Variants in IPO13 observed in about 807,000 individuals in gnomAD.
The protein encoded by IPO13 is importin 13.
In IPO13, 28 loss-of-function variants were observed where a neutral mutation model predicts 115.5. That is an observed-to-expected ratio of 0.24 (90% confidence interval 0.18 to 0.33). The LOEUF is 0.33. Among genes scored for constraint, IPO13 ranks in the 10% least tolerant of loss-of-function variants. IPO13 has a pLI of 1.00. For missense variants in IPO13, 785 were observed against 1,204.6 expected (o/e 0.65, Z 5.16); for synonymous variants, 414 against 478.9 (o/e 0.86, Z 1.77).
chr1:43,957,502 T>A lies in IPO13; in HGVS notation c.1493T>A (p.Ile498Asn). 1 of 1,614,178 alleles carries A rather than the reference T, an allele frequency of 6.2e-7. No homozygotes were observed. The highest frequency in any genetic ancestry group is 8.5e-7 in the Non-Finnish European group (1 of 1,180,024). ...GGGCTCATTGGCCTCATCCCACGGA[T>A]CAGCATCAGCAACGTGCAGCTGGCA... ...VPGLIGLIPRISISNVQLADT... is the reference protein window; with the variant it reads ...VPGLIGLIPRNSISNVQLADT... Residue 498 changes from isoleucine (I) to asparagine (N), a missense_variant, in exon 7 of 20, where the codon ATC (isoleucine) becomes AAC (asparagine). Around this residue, in one of 3 missense-constraint regions of IPO13, gnomAD observed 175 missense variants for 360.0 expected, o/e 0.49. Transcript: ENST00000372343.
At position 43,967,818 on chromosome 1, in the gene IPO13, T is replaced by G. The variant is rs2085337425; in HGVS notation, c.*136T>G. 4.9e-6 allele frequency: 4 copies of G among 814,468 alleles called. No homozygotes were observed. Among genetic ancestry groups the G allele is most frequent in the Non-Finnish European group, 8.1e-6 (4 of 496,488 alleles). 50.5% of individuals were successfully genotyped at this position (814,468 alleles called of 1,614,324 possible). A position where few individuals can be genotyped will look rare whatever the true frequency, so the allele number is the denominator to read the frequency against. ...ACTGAAAGCCTGGGTCCAGAAGGCC[T>G]GGGGGAAGGATGGGAGGATGCTTGG... On this transcript the variant is annotated 3_prime_UTR_variant, in exon 20 of 20. Coordinates refer to ENST00000372343, the MANE Select transcript of IPO13 (RefSeq NM_014652.4). The surrounding 1 kb of genome is among the most constrained non-coding windows in gnomAD (Gnocchi z 6.1).
In IPO13 at chr1:43,958,105, G is replaced by C. The variant is rs759996742; in HGVS notation, c.1669G>C (p.Glu557Gln). ...SVSTLKKICR[E>Q]CKYDLPPYAA... Reference sequence around the variant, plus strand: ...GTCCACCCTCAAGAAGATCTGCCGAGAGTGCAAGTATGACCTGCCTCCCTA... The same window carrying C: ...GTCCACCCTCAAGAAGATCTGCCGACAGTGCAAGTATGACCTGCCTCCCTA... Residue 557 changes from glutamate (E) to glutamine (Q), a missense_variant, in exon 8 of 20, where the codon GAG (glutamate) becomes CAG (glutamine). By Grantham distance (29) the Glu-to-Gln change is conservative. This residue lies in a region of IPO13 where 175 missense variants were observed against 360.0 expected (regional missense o/e 0.49). Coordinates refer to ENST00000372343, the MANE Select transcript of IPO13 (RefSeq NM_014652.4). The surrounding 1 kb of genome is among the most constrained non-coding windows in gnomAD (Gnocchi z 6.3). The C allele has an allele frequency of 6.2e-7, 1 of 1,614,206 alleles. No homozygotes were observed. The highest frequency in any genetic ancestry group is 1.7e-5 in the Admixed American group (1 of 60,026).
intron 7 of IPO13, 49 bp downstream of exon 7, chr1:43,957,598 C>T: frequency 6.2e-7 from 1 of 1,601,390 alleles, no homozygotes; most frequent in Admixed American, 1.7e-5. Flanking sequence ...CCACAGCACC[C>T]AACCCTGGCC....
intron 14 of IPO13, among the ~76,000 whole-genome samples, chr1:43,962,862 G>A (rs993065702): frequency 6.6e-6 from 1 of 152,208 alleles, no homozygotes; most frequent in Non-Finnish European, 1.5e-5. Flanking sequence ...CCCCTCAAGG[G>A]TAGGGTTGAG....
Position 43,949,608 on chromosome 1 carries a change from C to T in IPO13, c.276C>T (p.Asp92=), listed in dbSNP as rs2085191318. Residue 92 remains aspartate (D), a synonymous_variant, in exon 2 of 20, where the codon GAC becomes GAT. Transcript: ENST00000372343. Reference sequence around the variant, plus strand: ...TCAAGATCTCTCGCTACTGGAGTGACATCCCCACTGACCAGTATGAAAGCC... The same window carrying T: ...TCAAGATCTCTCGCTACTGGAGTGATATCCCCACTGACCAGTATGAAAGCC... ...LHIKISRYWS[D]IPTDQYESLK... The T allele has an allele frequency of 6.2e-7, 1 of 1,614,222 alleles. No homozygotes were observed. The highest frequency in any genetic ancestry group is 8.5e-7 in the Non-Finnish European group (1 of 1,180,032).
chr1:43,960,044 C>G (rs895343271), intron 11 of IPO13, among the ~76,000 whole-genome samples: 1 of 152,156 alleles, frequency 6.6e-6, no homozygotes, highest in African/African-American at 2.4e-5. Flanking sequence ...GAGATGATCC[C>G]TAGAATTCAG....
Position 43,964,363 on chromosome 1 carries a change from T to C in IPO13, c.2397+42T>C, listed in dbSNP as rs746262275. ...TTCATTCACGTTCTGTTCTCTCTCT[T>C]TCTCTTTCTCTTATGTTGAAATTCA... On this transcript the variant is annotated intron_variant, in intron 15 of 19. Coordinates refer to ENST00000372343, the MANE Select transcript of IPO13 (RefSeq NM_014652.4). 1.1e-5 allele frequency: 15 copies of C among 1,422,898 alleles called. No individual in the cohort carries two copies. In the Admixed American group the frequency reaches 2.7e-4, roughly 25 times the overall value. 88.1% of individuals were successfully genotyped at this position (1,422,898 alleles called of 1,614,324 possible). A position where few individuals can be genotyped will look rare whatever the true frequency, so the allele number is the denominator to read the frequency against.
At position 43,966,606 on chromosome 1, in the gene IPO13, G is replaced by A. The variant is rs373331309; in HGVS notation, c.2429G>A (p.Cys810Tyr). Residue 810 changes from cysteine to tyrosine, a missense_variant, in exon 16 of 20, where the codon TGT becomes TAT. By Grantham distance (194) the Cys-to-Tyr change is radical (BLOSUM62 -2). Transcript: ENST00000372343. The surrounding 1 kb of genome is among the most constrained non-coding windows in gnomAD (Gnocchi z 4.1). ...AAGCGGAAGCCAGATTTGTTCCTGT[G>A]TGAACGATTGGATGTCAAAGCTGTG... ...ALKRKPDLFL[C>Y]ERLDVKAVFQ... 2 of 1,614,042 alleles carry A rather than the reference G, an allele frequency of 1.2e-6. No homozygotes were observed. The highest frequency in any genetic ancestry group is 1.3e-5 in the African/African-American group (1 of 74,908).
chr1:43,958,834 A>T lies in IPO13; in HGVS notation c.1973A>T (p.Asp658Val). 6.2e-7 allele frequency: 1 copy of T among 1,614,068 alleles called. No homozygotes were observed. The highest frequency in any genetic ancestry group is 1.1e-5 in the South Asian group (1 of 91,078). The change falls in exon 11 of 20, where the codon GAT becomes GTT. Residue 658 changes from aspartate to valine, a missense_variant. By Grantham distance (152) the Asp-to-Val change is radical (BLOSUM62 -3). Around this residue, in one of 3 missense-constraint regions of IPO13, gnomAD observed 285 missense variants for 394.8 expected, o/e 0.72. Transcript: ENST00000372343. The surrounding 1 kb of genome is among the most constrained non-coding windows in gnomAD (Gnocchi z 6.3). ...ACACTGGACATCAGTCATCATGAGG[A>T]TGATCATGAAGGCCCTGAGCTTCGG... ...FTTLDISHHE[D>V]DHEGPELRKL...
chr1:43,951,326 C>T (rs1470405922), intron 2 of IPO13, among the ~76,000 whole-genome samples: 3 of 152,250 alleles, frequency 2.0e-5, no homozygotes, highest in Middle Eastern at 3.4e-3. Context: ...TGATGGAGAA[C>T]GCAGGGGCCT....
At chr1:43,957,117 G>C (rs1024107441) in intron 5 of IPO13, 78 bp from the exon 6 acceptor site, 1 of 1,580,226 alleles carries the variant, frequency 6.3e-7, no homozygotes, top group Middle Eastern at 1.8e-4. Flanking sequence ...TGGGGGTACT[G>C]GGGTAGGCTC....
chr1:43,956,744 G>T lies in IPO13; in HGVS notation c.1104+43G>T. 6.2e-7 allele frequency: 1 copy of T among 1,613,946 alleles called. No individual in the cohort carries two copies. Among genetic ancestry groups the T allele is most frequent in the South Asian group, 1.1e-5 (1 of 91,066 alleles). ...CCAGTAGGACTGGGCTGTGGTGGAA[G>T]AAGGTGGATCATGGGCTTCTATGAC... On this transcript the variant is annotated intron_variant, in intron 4 of 19. Coordinates refer to ENST00000372343, the MANE Select transcript of IPO13 (RefSeq NM_014652.4). This position sits in a 1 kb window ranked among gnomAD's most constrained non-coding sequence, Gnocchi z 4.7.
intron 14 of IPO13, 24 bp downstream of exon 14, chr1:43,961,286 C>G: frequency 6.4e-7 from 1 of 1,564,066 alleles, no homozygotes; most frequent in Non-Finnish European, 8.8e-7. Flanking sequence ...GGGGTCTCTG[C>G]TGCTGCTGCC....
chr1:43,956,176 T>C lies in IPO13; in HGVS notation c.822-144T>C, dbSNP rs1178977236. ...AACATTGGGAACATCAAATCTGCCA[T>C]GTAGACCCTGACCCTTTTTTTGCTT... On this transcript the variant is annotated intron_variant, in intron 2 of 19. Transcript: ENST00000372343. The surrounding 1 kb of genome is among the most constrained non-coding windows in gnomAD (Gnocchi z 4.7). 2 of 865,812 alleles carry C rather than the reference T, an allele frequency of 2.3e-6. No individual in the cohort carries two copies. The highest frequency in any genetic ancestry group is 3.4e-5 in the African/African-American group (2 of 58,074). 53.6% of individuals were successfully genotyped at this position (865,812 alleles called of 1,614,324 possible). A position where few individuals can be genotyped will look rare whatever the true frequency, so the allele number is the denominator to read the frequency against.
chr1:43,967,243 A>C lies in IPO13; in HGVS notation c.2614-72A>C. On this transcript the variant is annotated intron_variant, in intron 18 of 19. Transcript: ENST00000372343. The surrounding 1 kb of genome is among the most constrained non-coding windows in gnomAD (Gnocchi z 6.1). The stretch of plus-strand genomic sequence containing the variant: ...TTGGCTTAGGAACTGTCCAGAGGGC[A>C]GTTAGGCATTCTTGCTGCAGAAGCG... The C allele has an allele frequency of 6.6e-7, 1 of 1,505,534 alleles. No individual in the cohort carries two copies. The highest frequency in any genetic ancestry group is 1.4e-5 in the African/African-American group (1 of 73,050). The allele number at this position is 1,505,534 out of a possible 1,614,324, so 93.3% of individuals were successfully genotyped here.
Position 43,967,533 on chromosome 1 carries a change from G to GA in IPO13, c.2795+38dup, listed in dbSNP as rs1378691907. On this transcript the variant is annotated intron_variant, in intron 19 of 19. Coordinates refer to ENST00000372343, the MANE Select transcript of IPO13 (RefSeq NM_014652.4). The surrounding 1 kb of genome is among the most constrained non-coding windows in gnomAD (Gnocchi z 6.1). Reference sequence around the variant, plus strand: ...TGGGGTGGGCCTGGGGTCAGGCAGAGAGGGGGCAGTGGTGGTGGCTGGTGC... The same window carrying GA: ...TGGGGTGGGCCTGGGGTCAGGCAGAGAAGGGGGCAGTGGTGGTGGCTGGTGC... 1 of 1,614,060 alleles carries GA rather than the reference G, an allele frequency of 6.2e-7. No homozygotes were observed. Among genetic ancestry groups the GA allele is most frequent in the Admixed American group, 1.7e-5 (1 of 60,012 alleles).
chr1:43,952,016 G>A lies in IPO13; in HGVS notation c.821+1863G>A, dbSNP rs910005270. Among the ~76,000 whole-genome samples, 1 of 152,304 alleles carries A rather than the reference G, an allele frequency of 6.6e-6. No homozygotes were observed. The highest frequency in any genetic ancestry group is 2.4e-5 in the African/African-American group (1 of 41,576). On this transcript the variant is annotated intron_variant, in intron 2 of 19. Coordinates refer to ENST00000372343, the MANE Select transcript of IPO13 (RefSeq NM_014652.4). The surrounding 1 kb of genome is among the most constrained non-coding windows in gnomAD (Gnocchi z 4.7). ...TCGGTAGAGAATATTTTGACTCCTT[G>A]AGTAATGGGAGTTCTTTTGTGGTCT...
intron 1 of IPO13, 86 bp downstream of exon 1, chr1:43,947,770 G>T: frequency 1.4e-6 from 1 of 737,312 alleles, no homozygotes; most frequent in African/African-American, 1.8e-5. Flanking sequence ...GCCTGGGCTG[G>T]GTGCCCGCTG....
chr1:43,959,828 G>A (rs1226426961), intron 11 of IPO13, among the ~76,000 whole-genome samples: 1 of 152,200 alleles, frequency 6.6e-6, no homozygotes, highest in Non-Finnish European at 1.5e-5. Context: ...TGGGAGAGCA[G>A]CTTAAGCCTG....
Sources: allele counts gnomAD v4.1 joint callset (sites outside exome capture counted in the v4.1 genomes callset), GRCh38; gene constraint gnomAD v4.1.1; regional missense constraint gnomAD v4.1.1; non-coding constraint Gnocchi (gnomAD v3.1); transcripts MANE v1.5; gene names NCBI Gene and HGNC (gene_info 2026-07-23, HGNC 2026-07-21).